Variants in BIN3 observed in about 807,000 individuals in gnomAD.
BIN3 encodes bridging integrator 3.
A neutral mutation model predicts 38.2 loss-of-function variants in BIN3; 41 were observed. The ratio of observed to expected loss-of-function variants is 1.07; its 90% CI spans 0.84 to 1.39. The LOEUF is 1.39. BIN3 is among the 40% of genes most tolerant of loss of function. The pLI is 0.00. For missense variants in BIN3, 361 were observed against 324.3 expected, an observed-to-expected ratio of 1.11 and a Z score of -0.87; for synonymous variants, 145 against 122.6, an observed-to-expected ratio of 1.18 and a Z score of -1.21.
chr8:22,644,681 CA>C (rs1245709178), intron 2 of BIN3, 73 bp downstream of exon 2: 2 of 1,444,662 alleles, frequency 1.4e-6, no homozygotes, highest in African/African-American at 3.0e-5. Flanking sequence ...TGTGTTGATT[CA>C]AAGCTTTGAT....
At chr8:22,636,639 G>A (rs770072229) in intron 3 of BIN3, 53 bp from the exon 4 acceptor site, 117 of 1,535,522 alleles carry the variant, frequency 7.6e-5, no homozygotes, top group Non-Finnish European at 1.0e-4. Flanking sequence ...CCCTACCTGA[G>A]CGAAGCCCAG....
chr8:22,662,879 G>A (rs1803279995), intron 1 of BIN3, among the ~76,000 whole-genome samples: 1 of 152,200 alleles, frequency 6.6e-6, no homozygotes, highest in South Asian at 2.1e-4. Context: ...GCTCATGCTT[G>A]TAATCCCAGC....
intron 1 of BIN3, among the ~76,000 whole-genome samples, chr8:22,664,108 A>T (rs1803332889): frequency 6.6e-6 from 1 of 152,214 alleles, no homozygotes; most frequent in South Asian, 2.1e-4. Flanking sequence ...GCCCTATTTG[A>T]TGGATTAGCC....
chr8:22,664,262 C>G (rs1449877550), intron 1 of BIN3, among the ~76,000 whole-genome samples: 2 of 152,220 alleles, frequency 1.3e-5, no homozygotes, highest in Non-Finnish European at 2.9e-5. Flanking sequence ...TTGACTCTTT[C>G]TGACTGCTCC....
chr8:22,661,347 T>A (rs1274774048), intron 1 of BIN3, among the ~76,000 whole-genome samples: 1 of 131,090 alleles, frequency 7.6e-6, no homozygotes, highest in African/African-American at 3.0e-5. Flanking sequence ...GTTGAATGTA[T>A]CATTCTTTTT....
chr8:22,665,065 G>C (rs564314459), intron 1 of BIN3, among the ~76,000 whole-genome samples: 1 of 152,208 alleles, frequency 6.6e-6, no homozygotes, highest in African/African-American at 2.4e-5. Context: ...GGAGGTGTAC[G>C]TCTGTGATAC....
chr8:22,655,427 T>C lies in BIN3; in HGVS notation c.9-10624A>G, dbSNP rs60950717. Among the ~76,000 whole-genome samples, 480 of 152,354 alleles carry C rather than the reference T, an allele frequency of 3.2e-3. 3 individuals carry two copies. The highest frequency in any genetic ancestry group is 0.011 in the African/African-American group (453 of 41,590). The stretch of plus-strand genomic sequence containing the variant: ...TAGTTTAGCTCTTACATTTAGGTCA[T>C]TGATCCATTTTGAGTTAATTTTTAA... On this transcript the variant is annotated intron_variant, in intron 1 of 8. Coordinates refer to ENST00000276416, the MANE Select transcript of BIN3 (RefSeq NM_018688.6).
intron 1 of BIN3, among the ~76,000 whole-genome samples, chr8:22,667,296 C>G (rs536539326): frequency 1.3e-5 from 2 of 149,228 alleles, no homozygotes; most frequent in East Asian, 3.9e-4. Flanking sequence ...GAATGGGCTA[C>G]TATTTTTTCA....
intron 1 of BIN3, among the ~76,000 whole-genome samples, chr8:22,659,467 T>C (rs531646231): frequency 2.0e-5 from 3 of 152,248 alleles, no homozygotes; most frequent in Non-Finnish European, 4.4e-5. Context: ...TCCCCACCGC[T>C]CCACAGGCTG....
chr8:22,623,392 G>A (rs1277685940), intron 8 of BIN3, among the ~76,000 whole-genome samples: 3 of 152,206 alleles, frequency 2.0e-5, no homozygotes, highest in Non-Finnish European at 4.4e-5. Flanking sequence ...TTCCACCCCA[G>A]GGCCCTAGGA....
chr8:22,667,611 C>T (rs144170987), intron 1 of BIN3, among the ~76,000 whole-genome samples: 2 of 152,208 alleles, frequency 1.3e-5, no homozygotes, highest in Admixed American at 1.3e-4. Context: ...TGAAGAATTG[C>T]CGCTTTGCCC....
At position 22,624,001 on chromosome 8, in the gene BIN3, T is replaced by C. The variant is rs1016748653; in HGVS notation, c.529A>G (p.Arg177Gly). The change falls in exon 8 of 9, where the codon AGG becomes GGG. Residue 177 changes from arginine to glycine, a missense_variant. Physicochemically the swap from Arg to Gly is moderately radical, Grantham distance 125. Transcript: ENST00000276416. ...PVREDFEAKNRQLLEEMPRFY... is the reference protein window; with the variant it reads ...PVREDFEAKNGQLLEEMPRFY... Reference sequence around the variant, plus strand: ...CGCGGCATCTCCTCCAGCAGCTGCCTGTTCTTGGCTTCAAAGTCCTCCCGC... The same window carrying C: ...CGCGGCATCTCCTCCAGCAGCTGCCCGTTCTTGGCTTCAAAGTCCTCCCGC... 6.2e-7 allele frequency: 1 copy of C among 1,613,090 alleles called. No homozygotes were observed. The highest frequency in any genetic ancestry group is 1.3e-5 in the African/African-American group (1 of 75,034).
At chr8:22,625,151 G>A (rs1801964339) in intron 6 of BIN3, 1 of 585,022 alleles carries the variant, frequency 1.7e-6, no homozygotes, top group Non-Finnish European at 3.1e-6. Context: ...GGCCCTCAGA[G>A]AGAGCAGCAG....
At chr8:22,652,282 A>T (rs528006295) in intron 1 of BIN3, among the ~76,000 whole-genome samples, 5 of 152,338 alleles carry the variant, frequency 3.3e-5, no homozygotes, top group Non-Finnish European at 5.9e-5. Flanking sequence ...AGACAAAAAG[A>T]GCTGACAAGA....
At chr8:22,643,816 C>T (rs150761996) in intron 2 of BIN3, among the ~76,000 whole-genome samples, 121 of 152,324 alleles carry the variant, frequency 7.9e-4, no homozygotes, top group African/African-American at 2.7e-3. Context: ...GGGCCTCTGC[C>T]GCCAGCACAG....
At chr8:22,655,382 C>A (rs1803024473) in intron 1 of BIN3, among the ~76,000 whole-genome samples, 1 of 152,118 alleles carries the variant, frequency 6.6e-6, no homozygotes, top group Admixed American at 6.5e-5. Context: ...TTACTCTTGT[C>A]TTTTCTTCTA....
rs148939552 is a variant in BIN3 at position 22,626,603 on chromosome 8, G to A, written c.339-2240C>T. ...GCCTTGTGGGTGCCTGGGAGCTGCC[G>A]GGTAGGTGCAGGCGCTGGGACAGGG... is the stretch of plus-strand genomic sequence containing the variant. On this transcript the variant is annotated intron_variant, in intron 6 of 8. Coordinates refer to ENST00000276416, the MANE Select transcript of BIN3 (RefSeq NM_018688.6). The A allele has an allele frequency of 2.7e-3, 410 of 151,308 alleles. 4 individuals carry two copies. Among genetic ancestry groups the A allele is most frequent in the African/African-American group, 9.5e-3 (389 of 40,948 alleles). 9.4% of individuals were successfully genotyped at this position (151,308 alleles called of 1,614,324 possible). A position where few individuals can be genotyped will look rare whatever the true frequency, so the allele number is the denominator to read the frequency against.
intron 2 of BIN3, among the ~76,000 whole-genome samples, chr8:22,638,834 C>T (rs1802451260): frequency 6.6e-6 from 1 of 152,348 alleles, no homozygotes; most frequent in African/African-American, 2.4e-5. Flanking sequence ...AATCTTTCTT[C>T]CTCTTTTCAA....
At chr8:22,655,901 A>G (rs577228023) in intron 1 of BIN3, among the ~76,000 whole-genome samples, 94 of 152,330 alleles carry the variant, frequency 6.2e-4, no homozygotes, top group Non-Finnish European at 1.1e-3. Context: ...TGCATCTACT[A>G]TTCCATACCA....
Sources: gnomAD v4.1 joint callset for allele counts (sites outside exome capture counted in the v4.1 genomes callset) on GRCh38, gnomAD v4.1.1 for gene constraint, MANE v1.5 for transcripts, NCBI Gene and HGNC (gene_info 2026-07-23, HGNC 2026-07-21) for gene names.